CDH4: variants seen among roughly 807,000 people sequenced by gnomAD.
CDH4 encodes cadherin 4, also known as cadherin-4.
In CDH4, 33 loss-of-function variants were observed where a neutral mutation model predicts 86.0. The ratio of observed to expected loss-of-function variants is 0.38; its 90% confidence interval spans 0.29 to 0.51. The LOEUF (loss-of-function observed/expected upper bound fraction) is 0.51. Among genes scored for constraint, CDH4 ranks in the 20% least tolerant of loss-of-function variants. The pLI is 0.86. For synonymous variants in CDH4, 555 were observed against 549.4 expected, an observed-to-expected ratio of 1.01 and a Z score of -0.14; for missense variants, 1,114 against 1,307.4, an observed-to-expected ratio of 0.85 and a Z score of 2.28.
chr20:61,871,401 G>A (rs966724444), intron 6 of CDH4, among the ~76,000 whole-genome samples: 1 of 152,142 alleles, frequency 6.6e-6, no homozygotes, highest in African/African-American at 2.4e-5. Flanking sequence ...TAAAAAGGAG[G>A]CTGTGTGTGA....
At position 61,688,061 on chromosome 20, in the gene CDH4, C is replaced by T. The variant is rs577098002; in HGVS notation, c.170-55502C>T. Among the ~76,000 whole-genome samples, 3 of 152,212 alleles carry T rather than the reference C, an allele frequency of 2.0e-5. No individual in the cohort carries two copies. The East Asian group carries it at 5.8e-4, about 29-fold the overall frequency. ...AACCCTAGGCTGGAGGAAGCTGGCC[C>T]AGTGGGGTGGACAGGATCACAGGAC... On this transcript the variant is annotated intron_variant, in intron 2 of 15. Transcript: ENST00000614565.
intron 2 of CDH4, among the ~76,000 whole-genome samples, chr20:61,386,008 G>T (rs796786185): frequency 6.6e-6 from 1 of 152,166 alleles, no homozygotes; most frequent in Non-Finnish European, 1.5e-5. Flanking sequence ...GCCTGGGGAC[G>T]CTCATGGATG....
intron 2 of CDH4, among the ~76,000 whole-genome samples, chr20:61,653,559 C>CG (rs1363607259): frequency 1.2e-4 from 15 of 130,000 alleles, no homozygotes; most frequent in East Asian, 2.3e-4. Context: ...GCTGGCCAGG[C>CG]GGGGGCTGAC....
intron 9 of CDH4, among the ~76,000 whole-genome samples, chr20:61,915,131 C>T (rs2054890635): frequency 6.6e-6 from 1 of 152,184 alleles, no homozygotes; most frequent in African/African-American, 2.4e-5. Context: ...ACTGGGAGCC[C>T]ACACACAGGA....
intron 2 of CDH4, among the ~76,000 whole-genome samples, chr20:61,508,681 C>G (rs2085758906): frequency 6.6e-6 from 1 of 152,266 alleles, no homozygotes; most frequent in Non-Finnish European, 1.5e-5. Flanking sequence ...GGCCTCAGGA[C>G]AGGCAGTGAA....
At chr20:61,523,684 G>A (rs561469119) in intron 2 of CDH4, among the ~76,000 whole-genome samples, 1 of 152,316 alleles carries the variant, frequency 6.6e-6, no homozygotes, top group South Asian at 2.1e-4. Context: ...GGGCCAGGAG[G>A]GCACCACACG....
chr20:61,615,132 T>G lies in CDH4; in HGVS notation c.170-128431T>G, dbSNP rs982554069. On this transcript the variant is annotated intron_variant, in intron 2 of 15. Transcript: ENST00000614565. ...TTGTTGTTGTTTTTGTTTTTTTGGT[T>G]TTTTTTTTGAGACAGAGTCTCACTC... Among the ~76,000 whole-genome samples the G allele has an allele frequency of 1.5e-3, 17 of 11,702 alleles. 1 individual carries two copies. The highest frequency in any genetic ancestry group is 3.6e-3 in the East Asian group (1 of 276). 7.7% of individuals were successfully genotyped at this position (11,702 alleles called of 152,430 possible).
chr20:61,678,387 T>G (rs147120846), intron 2 of CDH4, among the ~76,000 whole-genome samples: 1 of 152,322 alleles, frequency 6.6e-6, no homozygotes, highest in Admixed American at 6.5e-5. Context: ...TTCATAATTT[T>G]CTGAAGATGG....
At chr20:61,568,109 G>A (rs893904996) in intron 2 of CDH4, among the ~76,000 whole-genome samples, 16 of 152,294 alleles carry the variant, frequency 1.1e-4, no homozygotes, top group African/African-American at 2.4e-4. Context: ...AGAGGCAGCC[G>A]TGGCAGGGTC....
At chr20:61,488,020 G>A (rs977798333) in intron 2 of CDH4, among the ~76,000 whole-genome samples, 1 of 152,226 alleles carries the variant, frequency 6.6e-6, no homozygotes, top group Non-Finnish European at 1.5e-5. Context: ...CAGTTCAATC[G>A]ATGATTCTGT....
chr20:61,936,721 T>C lies in CDH4; in HGVS notation c.2545-16T>C. The C allele has an allele frequency of 1.3e-6, 2 of 1,516,732 alleles. No individual in the cohort carries two copies. Among genetic ancestry groups the C allele is most frequent in the South Asian group, 2.6e-5 (2 of 75,664 alleles). The allele number at this position is 1,516,732 out of a possible 1,614,324, so 94.0% of individuals were successfully genotyped here. On this transcript the variant is annotated splice_polypyrimidine_tract_variant and intron_variant, in intron 15 of 15. Transcript: ENST00000614565. ...CAACGCGTCCTGCACCCTAACTCTG[T>C]GTCTGTGACCCCCAGGGACTCCGCG...
chr20:61,523,797 A>T (rs201198957), intron 2 of CDH4, among the ~76,000 whole-genome samples: 1 of 152,138 alleles, frequency 6.6e-6, no homozygotes, highest in East Asian at 1.9e-4. Context: ...AGCTCCTTTC[A>T]CTGCCGGGGA....
At chr20:61,672,728 T>G (rs775578875) in intron 2 of CDH4, among the ~76,000 whole-genome samples, 13 of 152,038 alleles carry the variant, frequency 8.6e-5, no homozygotes, top group Non-Finnish European at 1.9e-4. Flanking sequence ...TGGCAGAGAC[T>G]GGAATCTTCA....
intron 6 of CDH4, among the ~76,000 whole-genome samples, chr20:61,865,365 G>A (rs986292039): frequency 4.0e-5 from 6 of 151,718 alleles, no homozygotes; most frequent in Non-Finnish European, 8.8e-5. Context: ...CTGGCTTCCT[G>A]AATGGTTAGT....
chr20:61,846,074 A>C (rs1982439265), intron 5 of CDH4, among the ~76,000 whole-genome samples: 1 of 152,226 alleles, frequency 6.6e-6, no homozygotes, highest in African/African-American at 2.4e-5. Flanking sequence ...GCTGTTGGCC[A>C]CAGTGGCCTC....
At chr20:61,496,630 C>T (rs919852564) in intron 2 of CDH4, among the ~76,000 whole-genome samples, 3 of 152,206 alleles carry the variant, frequency 2.0e-5, no homozygotes, top group Non-Finnish European at 2.9e-5. Context: ...ATTTTAGGCA[C>T]GCATTCCCTC....
At chr20:61,898,600 C>T (rs1423499032) in intron 8 of CDH4, among the ~76,000 whole-genome samples, 1 of 152,218 alleles carries the variant, frequency 6.6e-6, no homozygotes, top group African/African-American at 2.4e-5. Context: ...CCCACCCCAT[C>T]CACACACATG....
chr20:61,613,312 C>A (rs2145762479), intron 2 of CDH4, among the ~76,000 whole-genome samples: 1 of 152,226 alleles, frequency 6.6e-6, no homozygotes, highest in East Asian at 1.9e-4. Context: ...AGCTGGGAGG[C>A]TTCATTCTGA....
chr20:61,606,813 C>G (rs951203105), intron 2 of CDH4, among the ~76,000 whole-genome samples: 28 of 152,358 alleles, frequency 1.8e-4, no homozygotes, highest in South Asian at 1.0e-3. Flanking sequence ...TTAAATGACT[C>G]TGTGTGGCCT....
Sources: gnomAD v4.1 joint callset for allele counts (sites outside exome capture counted in the v4.1 genomes callset) on GRCh38, gnomAD v4.1.1 for gene constraint, MANE v1.5 for transcripts, NCBI Gene and HGNC (gene_info 2026-07-23, HGNC 2026-07-21) for gene names.